Variants in MS4A13 observed in about 807,000 individuals in gnomAD.
MS4A13 encodes the protein membrane-spanning 4-domains subfamily A member 13.
MS4A13 carries 21 observed loss-of-function variants against 18.4 expected under a neutral mutation model. The observed-to-expected ratio is 1.14, with a 90% CI of 0.81 to 1.64. MS4A13 has a LOEUF of 1.64. MS4A13 is among the 40% of genes most tolerant of loss of function. MS4A13 has a pLI of 0.00. For missense variants in MS4A13, 173 were observed against 176.8 expected (o/e 0.98, Z 0.12); for synonymous variants, 62 against 57.2 (o/e 1.08, Z -0.38).
intron 6 of MS4A13, 137 bp from the exon 7 acceptor site, chr11:60,542,382 G>A (rs1175620767): frequency 2.2e-6 from 1 of 460,182 alleles, no homozygotes; most frequent in Non-Finnish European, 3.8e-6. Flanking sequence ...AATAGGAATG[G>A]GACAGAAATA....
chr11:60,526,996 G>A (rs562005009), intron 5 of MS4A13, among the ~76,000 whole-genome samples: 1 of 152,064 alleles, frequency 6.6e-6, no homozygotes, highest in African/African-American at 2.4e-5. Flanking sequence ...CCAAACTCCC[G>A]GCCTGTTGTT....
intron 6 of MS4A13, among the ~76,000 whole-genome samples, chr11:60,539,348 C>A (rs2086837920): frequency 6.6e-6 from 1 of 151,704 alleles, no homozygotes; most frequent in South Asian, 2.1e-4. Context: ...AAATGAAAAA[C>A]CACTAGAGGA....
chr11:60,523,249 C>T (rs1430375514), intron 3 of MS4A13, among the ~76,000 whole-genome samples: 1 of 152,054 alleles, frequency 6.6e-6, no homozygotes, highest in East Asian at 1.9e-4. Context: ...TCTTTAGTGT[C>T]TTATCAATAA....
downstream of MS4A13, among the ~76,000 whole-genome samples, chr11:60,543,247 C>T (rs1227714468): frequency 6.6e-6 from 1 of 152,160 alleles, no homozygotes; most frequent in African/African-American, 2.4e-5. Context: ...ATTCAATTCA[C>T]CCTCTCTTCT....
chr11:60,523,928 TA>T lies in MS4A13; in HGVS notation c.163del (p.Thr55GlnfsTer10). The T allele has an allele frequency of 6.5e-7, 1 of 1,547,012 alleles. No individual in the cohort carries two copies. The highest frequency in any genetic ancestry group is 8.9e-7 in the Non-Finnish European group (1 of 1,119,446). ...ATTGCAGGAGTCTTCCTAATAAGAG[TA>T]ACAAAGTATCCGACTCGATCTGGAG... ...FIIAGVFLIR[V>X]TKYPTRSGII... On this transcript the variant is annotated frameshift_variant, in exon 4 of 7. Transcript: ENST00000378186. LOFTEE classifies it high-confidence loss of function.
intron 5 of MS4A13, 33 bp downstream of exon 5, chr11:60,525,359 T>C (rs781305032): frequency 2.1e-6 from 3 of 1,410,992 alleles, no homozygotes; most frequent in Non-Finnish European, 2.9e-6. Flanking sequence ...ACATATTAAT[T>C]TTAAAATTAT....
chr11:60,520,405 C>T (rs1204814085), intron 3 of MS4A13, among the ~76,000 whole-genome samples: 1 of 152,168 alleles, frequency 6.6e-6, no homozygotes, highest in Non-Finnish European at 1.5e-5. Context: ...GTCCTCTCCA[C>T]CTATGAGCCT....
intron 2 of MS4A13, 87 bp from the exon 3 acceptor site, chr11:60,517,985 G>T (rs2086648299): frequency 7.9e-6 from 8 of 1,018,002 alleles, no homozygotes; most frequent in Non-Finnish European, 9.8e-6. Flanking sequence ...ATTTGTAAAG[G>T]TGTTAAATGC....
intron 3 of MS4A13, among the ~76,000 whole-genome samples, chr11:60,518,921 A>G (rs1385905082): frequency 1.3e-5 from 2 of 152,178 alleles, no homozygotes; most frequent in African/African-American, 4.8e-5. Context: ...GTATAAAGAA[A>G]TGGGGTGATA....
intron 6 of MS4A13, among the ~76,000 whole-genome samples, chr11:60,539,224 A>G (rs1004193254): frequency 6.6e-6 from 1 of 151,726 alleles, no homozygotes; most frequent in African/African-American, 2.4e-5. Context: ...TAAAGTAAAT[A>G]TGTTTGAAGA....
chr11:60,527,360 C>CTCT (rs1231003995), intron 5 of MS4A13, among the ~76,000 whole-genome samples: 2 of 56,744 alleles, frequency 3.5e-5, no homozygotes, highest in Non-Finnish European at 6.9e-5. Flanking sequence ...CTCATTCATT[C>CTCT]CGTCTCTCTC....
At chr11:60,518,884 C>G (rs1229937978) in intron 3 of MS4A13, among the ~76,000 whole-genome samples, 2 of 152,140 alleles carry the variant, frequency 1.3e-5, no homozygotes, top group Non-Finnish European at 2.9e-5. Context: ...CAAACAGGAG[C>G]TTCTTTAAGG....
At chr11:60,524,615 C>T (rs1377673756) in intron 4 of MS4A13, among the ~76,000 whole-genome samples, 1 of 151,018 alleles carries the variant, frequency 6.6e-6, no homozygotes, top group Admixed American at 6.6e-5. Flanking sequence ...CAAATCATAT[C>T]TTATATGCTT....
intron 5 of MS4A13, among the ~76,000 whole-genome samples, chr11:60,527,362 G>GTCTC (rs1313348420): frequency 4.2e-4 from 26 of 62,518 alleles, no homozygotes; most frequent in African/African-American, 1.8e-3. Context: ...CATTCATTCC[G>GTCTC]TCTCTCTCTC....
chr11:60,522,843 A>G (rs1189128206), intron 3 of MS4A13, among the ~76,000 whole-genome samples: 1 of 152,230 alleles, frequency 6.6e-6, no homozygotes, highest in Non-Finnish European at 1.5e-5. Flanking sequence ...CAAAATCCAA[A>G]TAAATGATGC....
intron 6 of MS4A13, among the ~76,000 whole-genome samples, chr11:60,532,128 C>G (rs1413903936): frequency 6.6e-6 from 1 of 152,202 alleles, no homozygotes; most frequent in African/African-American, 2.4e-5. Context: ...TTGGACTTAA[C>G]AAAGAAAGGC....
intron 3 of MS4A13, among the ~76,000 whole-genome samples, chr11:60,523,133 G>T (rs1486999592): frequency 6.6e-6 from 1 of 152,168 alleles, no homozygotes; most frequent in Non-Finnish European, 1.5e-5. Context: ...GTGGAATGAA[G>T]TGCTGAACAA....
intron 6 of MS4A13, 34 bp downstream of exon 6, chr11:60,529,494 G>T: frequency 2.4e-6 from 3 of 1,265,800 alleles, no homozygotes; most frequent in Non-Finnish European, 3.3e-6. Flanking sequence ...CAAATCAAAA[G>T]ATGTTGATTT....
chr11:60,539,382 C>CA (rs552871831), intron 6 of MS4A13, among the ~76,000 whole-genome samples: 46 of 151,276 alleles, frequency 3.0e-4, no homozygotes, highest in Admixed American at 1.2e-3. Context: ...GGTGAGCTGA[C>CA]AAAAAACAAA....
Sources: allele counts gnomAD v4.1 joint callset (sites outside exome capture counted in the v4.1 genomes callset), GRCh38; gene constraint gnomAD v4.1.1; transcripts MANE v1.5; gene names NCBI Gene and HGNC (gene_info 2026-07-23, HGNC 2026-07-21).